The following CACNA1E variants were observed in gnomAD, a reference collection of about 807,000 sequenced individuals.
CACNA1E encodes voltage-dependent R-type calcium channel subunit alpha-1E.
A neutral mutation model predicts 259.2 loss-of-function variants in CACNA1E; 40 were observed. The observed-to-expected ratio is 0.15, with a 90% CI of 0.12 to 0.20. The LOEUF is 0.20. Ranked by LOEUF, CACNA1E falls within the 10% of genes least tolerant of loss-of-function variation. The pLI, the probability that CACNA1E is intolerant of heterozygous loss-of-function variation, is 1.00. For synonymous variants in CACNA1E, 1,104 were observed against 1,138.5 expected, an observed-to-expected ratio of 0.97 and a Z score of 0.61; for missense variants, 1,874 against 3,040.1, an observed-to-expected ratio of 0.62 and a Z score of 9.02.
intron 7 of CACNA1E, among the ~76,000 whole-genome samples, chr1:181,660,701 T>C (rs951359740): frequency 3.9e-5 from 6 of 152,196 alleles, no homozygotes; most frequent in Non-Finnish European, 7.3e-5. Flanking sequence ...AAATTATTCA[T>C]GCCCAGCTCA....
At chr1:181,539,418 AT>A (rs1246948947) in intron 3 of CACNA1E, among the ~76,000 whole-genome samples, 1 of 152,238 alleles carries the variant, frequency 6.6e-6, no homozygotes. Flanking sequence ...AATGGCAGAT[AT>A]GAAAGGGGGA....
chr1:181,559,859 C>A (rs1389907273), intron 3 of CACNA1E, among the ~76,000 whole-genome samples: 1 of 152,060 alleles, frequency 6.6e-6, no homozygotes, highest in Non-Finnish European at 1.5e-5. Context: ...GTTGAGGAAA[C>A]AGGAGAGGGG....
At chr1:181,730,272 G>A (rs1258007651) in intron 18 of CACNA1E, among the ~76,000 whole-genome samples, 2 of 152,200 alleles carry the variant, frequency 1.3e-5, no homozygotes, top group African/African-American at 4.8e-5. Context: ...GTCCAAGCAG[G>A]GCCCACTGGG....
chr1:181,668,451 C>A (rs903694592), intron 7 of CACNA1E, among the ~76,000 whole-genome samples: 1 of 152,036 alleles, frequency 6.6e-6, no homozygotes, highest in African/African-American at 2.4e-5. Context: ...CTATGAAGAA[C>A]ATTTGTGTAC....
chr1:181,706,186 TG>T (rs758239187), intron 7 of CACNA1E, among the ~76,000 whole-genome samples: 2 of 152,220 alleles, frequency 1.3e-5, no homozygotes, highest in Non-Finnish European at 2.9e-5. Context: ...CCAAGGGAAC[TG>T]GATAAATTAA....
At chr1:181,387,176 G>A (rs974153365) in intron 1 of CACNA1E, among the ~76,000 whole-genome samples, 4 of 152,016 alleles carry the variant, frequency 2.6e-5, no homozygotes, top group African/African-American at 9.7e-5. Context: ...CCCAGCCCTC[G>A]GGTGTTTCTG....
At position 181,772,121 on chromosome 1, in the gene CACNA1E, G is replaced by A; in HGVS notation, c.5029G>A (p.Gly1677Ser). ...EIMLSCLGEK[G>S]CEPDTTAPSG... ...TATGCTGTCATGCCTTGGGGAGAAG[G>A]GCTGTGAGCCTGACACCACCGCACC... is the stretch of plus-strand genomic sequence containing the variant. The change falls in exon 37 of 48, where the codon GGC (glycine) becomes AGC (serine). Residue 1677 changes from glycine to serine, a missense_variant. This residue lies in a region of CACNA1E where 147 missense variants were observed against 337.1 expected (regional missense o/e 0.44). Transcript: ENST00000367573. 1.2e-6 allele frequency: 2 copies of A among 1,613,930 alleles called. No individual in the cohort carries two copies. Among genetic ancestry groups the A allele is most frequent in the Non-Finnish European group, 1.7e-6 (2 of 1,179,860 alleles).
chr1:181,567,256 C>T (rs1039483822), intron 3 of CACNA1E, among the ~76,000 whole-genome samples: 1 of 152,094 alleles, frequency 6.6e-6, no homozygotes, highest in African/African-American at 2.4e-5. Context: ...CTCTTTATTC[C>T]CTCCTAGAAA....
chr1:181,784,825 GT>G, intron 41 of CACNA1E, 57 bp downstream of exon 41: 1 of 1,026,964 alleles, frequency 9.7e-7, no homozygotes, highest in Non-Finnish European at 1.5e-6. Flanking sequence ...TGAAGACTAC[GT>G]CTTTGGGGGG....
At chr1:181,576,939 T>C (rs572677185) in intron 3 of CACNA1E, among the ~76,000 whole-genome samples, 1 of 152,332 alleles carries the variant, frequency 6.6e-6, no homozygotes, top group African/African-American at 2.4e-5. Flanking sequence ...GAGAGACTTG[T>C]GTTGAGTTAC....
chr1:181,457,109 G>T (rs1558018833), intron 2 of CACNA1E, among the ~76,000 whole-genome samples: 1 of 152,222 alleles, frequency 6.6e-6, no homozygotes, highest in South Asian at 2.1e-4. Flanking sequence ...TGGAGGCTGG[G>T]AAGTCCAAGA....
intron 3 of CACNA1E, among the ~76,000 whole-genome samples, chr1:181,512,027 A>G (rs1381427574): frequency 6.6e-6 from 1 of 152,256 alleles, no homozygotes; most frequent in Non-Finnish European, 1.5e-5. Context: ...TGTTAATAGT[A>G]TAAAATCGAA....
intron 1 of CACNA1E, among the ~76,000 whole-genome samples, chr1:181,399,411 T>A (rs532111499): frequency 1.2e-3 from 182 of 152,328 alleles, no homozygotes; most frequent in African/African-American, 4.3e-3. Context: ...TTGTCCCAGG[T>A]GGCCACAGGT....
At chr1:181,636,443 A>T (rs1183693954) in intron 6 of CACNA1E, among the ~76,000 whole-genome samples, 1 of 152,218 alleles carries the variant, frequency 6.6e-6, no homozygotes, top group Non-Finnish European at 1.5e-5. Flanking sequence ...TTACCAACAT[A>T]TTTTGACCTG....
At position 181,510,499 on chromosome 1, in the gene CACNA1E, G is replaced by T; in HGVS notation, c.289G>T (p.Ala97Ser). The T allele has an allele frequency of 6.2e-7, 1 of 1,613,764 alleles. No individual in the cohort carries two copies. Among genetic ancestry groups the T allele is most frequent in the Non-Finnish European group, 8.5e-7 (1 of 1,179,712 alleles). ...DWPPFEYMILATIIANCIVLA... is the reference protein window; with the variant it reads ...DWPPFEYMILSTIIANCIVLA... ...CACGCCATTTGAGTACATGATCCTG[G>T]CCACCATCATTGCCAACTGCATCGT... The change falls in exon 2 of 48, where the codon GCC becomes TCC. Residue 97 changes from alanine (A) to serine (S), a missense_variant. Physicochemically the swap from Ala to Ser is moderately conservative, Grantham distance 99 (BLOSUM62 1). Around this residue, in one of 14 missense-constraint regions of CACNA1E, gnomAD observed 55 missense variants for 156.5 expected, o/e 0.35. Coordinates refer to ENST00000367573, the MANE Select transcript of CACNA1E (RefSeq NM_001205293.3).
chr1:181,743,678 C>A (rs940977005), intron 25 of CACNA1E, among the ~76,000 whole-genome samples: 2 of 152,152 alleles, frequency 1.3e-5, no homozygotes, highest in Non-Finnish European at 2.9e-5. Context: ...GACACCTGTG[C>A]GTGTGTGTCT....
At chr1:181,728,927 T>C (rs1376801746) in intron 18 of CACNA1E, among the ~76,000 whole-genome samples, 170 of 55,250 alleles carry the variant, frequency 3.1e-3, no homozygotes, top group Middle Eastern at 0.017. Context: ...TGTGTGAACA[T>C]TGCTCAGGTG....
rs1238760394 is a variant in CACNA1E at position 181,616,730 on chromosome 1, C to CA, written c.952-34605dup. Among the ~76,000 whole-genome samples, 3 of 151,256 alleles carry CA rather than the reference C, an allele frequency of 2.0e-5. No homozygotes were observed. The South Asian group carries it at 6.3e-4, about 32-fold the overall frequency. The stretch of plus-strand genomic sequence containing the variant: ...TCCATCTCAAAAAAACAAAACAAAA[C>CA]AAACAAACAAAAAAAAAGGAGGTGG... On this transcript the variant is annotated intron_variant, in intron 6 of 47. Coordinates refer to ENST00000367573, the MANE Select transcript of CACNA1E (RefSeq NM_001205293.3).
intron 6 of CACNA1E, among the ~76,000 whole-genome samples, chr1:181,607,558 C>T (rs1157235043): frequency 6.6e-6 from 1 of 152,104 alleles, no homozygotes; most frequent in Non-Finnish European, 1.5e-5. Context: ...GCGTTCCTGG[C>T]CATGGCTCTT....
Sources: gnomAD v4.1 joint callset for allele counts (sites outside exome capture counted in the v4.1 genomes callset) on GRCh38, gnomAD v4.1.1 for gene constraint, gnomAD v4.1.1 regional missense constraint, MANE v1.5 for transcripts, NCBI Gene and HGNC (gene_info 2026-07-23, HGNC 2026-07-21) for gene names.